The following LRRTM3 variants were observed in gnomAD, a reference collection of about 807,000 sequenced individuals.
The protein encoded by LRRTM3 is leucine rich repeat transmembrane neuronal 3, also known as leucine-rich repeat transmembrane neuronal protein 3.
In LRRTM3, 24 loss-of-function variants were observed where a neutral mutation model predicts 44.7. The ratio of observed to expected loss-of-function variants is 0.54; its 90% confidence interval spans 0.39 to 0.76. LRRTM3 has a LOEUF of 0.76. Ranked by LOEUF, LRRTM3 falls within the 30% of genes least tolerant of loss-of-function variation. The pLI is 0.00. For synonymous variants in LRRTM3, 277 were observed against 278.7 expected, an observed-to-expected ratio of 0.99 and a Z score of 0.06; for missense variants, 587 against 702.2, an observed-to-expected ratio of 0.84 and a Z score of 1.85.
intron 2 of LRRTM3, among the ~76,000 whole-genome samples, chr10:67,014,738 GTTTC>G (rs2133051585): frequency 6.6e-6 from 1 of 151,816 alleles, no homozygotes; most frequent in Admixed American, 6.6e-5. Flanking sequence ...GTTTCAGAAA[GTTTC>G]ACTTTAAGTC....
At chr10:67,067,149 T>C (rs1363011087) in intron 2 of LRRTM3, among the ~76,000 whole-genome samples, 5 of 152,194 alleles carry the variant, frequency 3.3e-5, no homozygotes, top group Admixed American at 6.5e-5. Flanking sequence ...AAACCACATA[T>C]GACATAAGCA....
At chr10:67,076,019 T>G (rs2182162) in intron 2 of LRRTM3, among the ~76,000 whole-genome samples, 52,361 of 152,096 alleles carry the variant, frequency 0.34, 9,425 homozygotes, top group Middle Eastern at 0.56. Flanking sequence ...ACCAGTAAAA[T>G]GCAGAACTAC....
chr10:66,926,453 A>G lies in LRRTM3; in HGVS notation c.-131A>G. 2 of 990,054 alleles carry G rather than the reference A, an allele frequency of 2.0e-6. No homozygotes were observed. 61.3% of individuals were successfully genotyped at this position (990,054 alleles called of 1,614,324 possible). ...TGTTCCAAAATCGGTCCATCTCCCA[A>G]GGGGTCCAATTTTTCTTCCTGGGTG... On this transcript the variant is annotated 5_prime_UTR_variant, in exon 1 of 3. Coordinates refer to ENST00000361320, the MANE Select transcript of LRRTM3 (RefSeq NM_178011.5).
At chr10:67,095,796 G>A (rs7895757) in intron 2 of LRRTM3, among the ~76,000 whole-genome samples, 81,774 of 151,604 alleles carry the variant, frequency 0.54, 23,346 homozygotes, top group African/African-American at 0.74. Context: ...TGTAAAACTC[G>A]TGTACCCAGT....
intron 2 of LRRTM3, among the ~76,000 whole-genome samples, chr10:66,971,926 C>G (rs1037923726): frequency 6.6e-6 from 1 of 151,412 alleles, no homozygotes; most frequent in Non-Finnish European, 1.5e-5. Context: ...TGCTAATGTA[C>G]TTCAGTATAT....
intron 2 of LRRTM3, among the ~76,000 whole-genome samples, chr10:67,085,212 A>G (rs1324827723): frequency 6.6e-6 from 1 of 151,944 alleles, no homozygotes; most frequent in Non-Finnish European, 1.5e-5. Context: ...ACTTGTTTTG[A>G]TCAAAGCCAT....
intron 2 of LRRTM3, among the ~76,000 whole-genome samples, chr10:66,976,100 G>C (rs971253667): frequency 1.3e-5 from 2 of 152,104 alleles, no homozygotes; most frequent in Non-Finnish European, 2.9e-5. Flanking sequence ...GGTGCTAGTA[G>C]CTTTGTATTA....
At chr10:66,999,026 T>C (rs1851529394) in intron 2 of LRRTM3, among the ~76,000 whole-genome samples, 1 of 152,190 alleles carries the variant, frequency 6.6e-6, no homozygotes, top group African/African-American at 2.4e-5. Flanking sequence ...ATTAGAAATG[T>C]ATTTATTACT....
chr10:67,083,206 C>T (rs1857136305), intron 2 of LRRTM3, among the ~76,000 whole-genome samples: 1 of 152,112 alleles, frequency 6.6e-6, no homozygotes, highest in Non-Finnish European at 1.5e-5. Context: ...AACCACATTG[C>T]TAATGTCCTC....
intron 2 of LRRTM3, among the ~76,000 whole-genome samples, chr10:67,039,368 A>G (rs1221467222): frequency 6.6e-6 from 1 of 152,158 alleles, no homozygotes; most frequent in Non-Finnish European, 1.5e-5. Flanking sequence ...GGAGACAAAC[A>G]TTTCCCTGTG....
At chr10:66,997,526 T>G (rs1278802529) in intron 2 of LRRTM3, among the ~76,000 whole-genome samples, 1 of 152,200 alleles carries the variant, frequency 6.6e-6, no homozygotes, top group African/African-American at 2.4e-5. Flanking sequence ...CTGGTAAAAC[T>G]TTTAGATCCC....
intron 2 of LRRTM3, among the ~76,000 whole-genome samples, chr10:67,027,559 C>T (rs761993263): frequency 4.6e-5 from 7 of 151,246 alleles, no homozygotes; most frequent in South Asian, 4.2e-4. Flanking sequence ...CTCAGCCTTC[C>T]GAGTAGCTGA....
intron 2 of LRRTM3, among the ~76,000 whole-genome samples, chr10:67,005,049 C>T (rs188820170): frequency 2.6e-4 from 40 of 152,262 alleles, no homozygotes; most frequent in African/African-American, 9.4e-4. Flanking sequence ...GGAAATAGTA[C>T]ACAATGTGGG....
At chr10:66,943,043 C>A (rs1848093640) in intron 2 of LRRTM3, among the ~76,000 whole-genome samples, 1 of 152,134 alleles carries the variant, frequency 6.6e-6, no homozygotes, top group Non-Finnish European at 1.5e-5. Context: ...AATTTGGAGT[C>A]ACATTAATAG....
At chr10:66,975,658 G>A (rs1481961954) in intron 2 of LRRTM3, among the ~76,000 whole-genome samples, 1 of 152,100 alleles carries the variant, frequency 6.6e-6, no homozygotes, top group African/African-American at 2.4e-5. Flanking sequence ...GATTAGTGGT[G>A]GCATTGAGCT....
rs149862111 is a variant in LRRTM3, at chr10:67,066,154, G to A, written c.1537-31433G>A. On this transcript the variant is annotated intron_variant, in intron 2 of 2. Transcript: ENST00000361320. Reference sequence around the variant, plus strand: ...TTTCTCAATACCATCACCAGTGCTCGTTTCCCTATAGCACACTGCTGTGCC... The same window carrying A: ...TTTCTCAATACCATCACCAGTGCTCATTTCCCTATAGCACACTGCTGTGCC... Among the ~76,000 whole-genome samples, 385 of 147,614 alleles carry A rather than the reference G, an allele frequency of 2.6e-3. 4 individuals carry two copies. Among genetic ancestry groups the A allele is most frequent in the African/African-American group, 9.2e-3 (364 of 39,716 alleles).
chr10:67,020,816 T>A (rs1359165833), intron 2 of LRRTM3, among the ~76,000 whole-genome samples: 1 of 152,094 alleles, frequency 6.6e-6, no homozygotes, highest in Non-Finnish European at 1.5e-5. Flanking sequence ...GTTTCCTAAT[T>A]AGTAGGGTTG....
At chr10:66,945,936 C>A (rs1247425921) in intron 2 of LRRTM3, among the ~76,000 whole-genome samples, 1 of 151,982 alleles carries the variant, frequency 6.6e-6, no homozygotes, top group Admixed American at 6.6e-5. Context: ...GTTTGAAGGA[C>A]CCCAAAACAA....
At chr10:67,035,085 A>G (rs570099889) in intron 2 of LRRTM3, among the ~76,000 whole-genome samples, 3 of 152,192 alleles carry the variant, frequency 2.0e-5, no homozygotes, top group Non-Finnish European at 2.9e-5. Flanking sequence ...GCATAGCCCA[A>G]TCTAATATTC....
Sources: allele counts gnomAD v4.1 joint callset (sites outside exome capture counted in the v4.1 genomes callset), GRCh38; gene constraint gnomAD v4.1.1; transcripts MANE v1.5; gene names NCBI Gene and HGNC (gene_info 2026-07-23, HGNC 2026-07-21).